The following MCF2L2 variants were observed in gnomAD, a reference collection of about 807,000 sequenced individuals.
MCF2L2 encodes the protein MCF.2 cell line derived transforming sequence-like 2.
In MCF2L2, 102 loss-of-function variants were observed where a neutral mutation model predicts 150.2. The ratio of observed to expected loss-of-function variants is 0.68; its 90% confidence interval spans 0.58 to 0.80. The LOEUF is 0.80. MCF2L2 is among the 30% of genes least tolerant of loss of function. The pLI is 0.00. For missense variants in MCF2L2, 1,256 were observed against 1,372.8 expected (o/e 0.91, Z 1.34); for synonymous variants, 465 against 491.3 (o/e 0.95, Z 0.71).
Position 183,283,656 on chromosome 3 carries a change from G to A in MCF2L2, c.1776+5464C>T, listed in dbSNP as rs6794001. ...CCTGCCTCAGCCTCCTGAGTAGCTG[G>A]GATTACAGGTGCCCGCCACCATGCC... On this transcript the variant is annotated intron_variant, in intron 14 of 29. Transcript: ENST00000328913. The surrounding 1 kb of genome is among the most constrained non-coding windows in gnomAD (Gnocchi z 4.2). 0.18 allele frequency among the ~76,000 whole-genome samples: 26,848 copies of A among 151,830 alleles called. 2,770 individuals are homozygous for A. Among genetic ancestry groups the A allele is most frequent in the East Asian group, 0.46 (2,356 of 5,142 alleles).
chr3:183,290,115 G>T (rs1728038757), intron 13 of MCF2L2, among the ~76,000 whole-genome samples: 1 of 152,148 alleles, frequency 6.6e-6, no homozygotes, highest in Admixed American at 6.5e-5. Context: ...TAACGCTGAA[G>T]CACAATCACT....
At chr3:183,215,147 A>G (rs1004900458) in intron 22 of MCF2L2, among the ~76,000 whole-genome samples, 20 of 152,168 alleles carry the variant, frequency 1.3e-4, no homozygotes, top group African/African-American at 4.1e-4. Context: ...CCAAAAAGGA[A>G]AGGAAACACC....
chr3:183,269,331 TA>T (rs150891469), intron 15 of MCF2L2, among the ~76,000 whole-genome samples: 1 of 150,968 alleles, frequency 6.6e-6, no homozygotes, highest in Non-Finnish European at 1.5e-5. Context: ...TGTCCTCCTT[TA>T]AAAAAAATAA....
intron 13 of MCF2L2, among the ~76,000 whole-genome samples, chr3:183,294,850 G>A (rs1264879235): frequency 2.6e-5 from 4 of 151,924 alleles, no homozygotes; most frequent in Non-Finnish European, 5.9e-5. Flanking sequence ...GGATGGTCTC[G>A]ATCTCCTGAC....
chr3:183,269,789 T>C, intron 15 of MCF2L2: 1 of 1,591,320 alleles, frequency 6.3e-7, no homozygotes, highest in Non-Finnish European at 8.5e-7. Context: ...AAAAACAGAC[T>C]TGAGTGGATA....
rs1721416416 is a variant in MCF2L2, at chr3:183,179,099, C to G, written c.*281G>C. ...GAAGCCCACGCAGCAAAGAATTGCC[C>G]GGCTCCGAATATCGAAGTGCGCGGT... On this transcript the variant is annotated 3_prime_UTR_variant, in exon 30 of 30. Transcript: ENST00000328913. This position sits in a 1 kb window ranked among gnomAD's most constrained non-coding sequence, Gnocchi z 4.2. The G allele has an allele frequency of 2.7e-6, 1 of 363,730 alleles. No homozygotes were observed. The highest frequency in any genetic ancestry group is 4.1e-5 in the East Asian group (1 of 24,190). The allele number at this position is 363,730 out of a possible 1,614,324, so 22.5% of individuals were successfully genotyped here.
intron 15 of MCF2L2, among the ~76,000 whole-genome samples, chr3:183,257,944 C>T (rs899806142): frequency 1.8e-4 from 27 of 149,202 alleles, no homozygotes; most frequent in Non-Finnish European, 3.2e-4. Flanking sequence ...ATTCCTTGCT[C>T]CCTCCACTTC....
At chr3:183,374,701 A>G (rs1713094680) in intron 3 of MCF2L2, 1 of 151,986 alleles carries the variant, frequency 6.6e-6, no homozygotes, top group Non-Finnish European at 1.5e-5. Context: ...AGAAAGAAAG[A>G]AAAAATAGAA....
intron 15 of MCF2L2, among the ~76,000 whole-genome samples, chr3:183,256,705 T>C (rs900175675): frequency 2.0e-4 from 30 of 152,214 alleles, no homozygotes; most frequent in African/African-American, 6.0e-4. Context: ...CCTATAACTT[T>C]TTCATAGTGC....
chr3:183,189,181 C>G (rs1334185156), intron 27 of MCF2L2, among the ~76,000 whole-genome samples: 3 of 152,320 alleles, frequency 2.0e-5, no homozygotes, highest in Non-Finnish European at 4.4e-5. Flanking sequence ...CTGCTGGGTT[C>G]AATTCTGCTA....
chr3:183,247,099 G>A (rs985427028), intron 15 of MCF2L2, among the ~76,000 whole-genome samples: 3 of 152,200 alleles, frequency 2.0e-5, no homozygotes, highest in East Asian at 1.9e-4. Context: ...TTCTGTGGAC[G>A]AGAGTAGGTA....
chr3:183,291,489 GT>G (rs1159388877), intron 13 of MCF2L2, among the ~76,000 whole-genome samples: 1 of 152,204 alleles, frequency 6.6e-6, no homozygotes, highest in African/African-American at 2.4e-5. Flanking sequence ...GCACTAAAAA[GT>G]TTTTTCACGT....
chr3:183,194,341 T>C lies in MCF2L2; in HGVS notation c.2918+881A>G, dbSNP rs573200840. 1.1e-3 allele frequency among the ~76,000 whole-genome samples: 160 copies of C among 152,244 alleles called. 2 individuals are homozygous for C. Among genetic ancestry groups the C allele is most frequent in the Middle Eastern group, 6.8e-3 (2 of 294 alleles). ...CAGGAAGAGGAATTATAGACGAAGA[T>C]TGTAAGTCGCAGTAATAGATGAGGC... On this transcript the variant is annotated intron_variant, in intron 26 of 29. Transcript: ENST00000328913.
chr3:183,224,530 C>T, intron 18 of MCF2L2: 1 of 195,548 alleles, frequency 5.1e-6, no homozygotes, highest in Non-Finnish European at 1.1e-5. Context: ...CATCTCCCCA[C>T]AACAGGTCTG....
rs1374023867 is a variant in MCF2L2 at position 183,193,111 on chromosome 3, A to G, written c.2919-15T>C. The G allele has an allele frequency of 1.9e-6, 3 of 1,605,236 alleles. No homozygotes were observed. The highest frequency in any genetic ancestry group is 2.6e-6 in the Non-Finnish European group (3 of 1,171,968). On this transcript the variant is annotated splice_polypyrimidine_tract_variant and intron_variant, in intron 26 of 29. Transcript: ENST00000328913. ...CACTGCCTTTGCTTTAGAGAAATAA[A>G]CATGAATATTGAGTCACTGGAAGGA...
intron 5 of MCF2L2, among the ~76,000 whole-genome samples, chr3:183,328,627 A>T (rs1194433892): frequency 6.6e-6 from 1 of 152,186 alleles, no homozygotes; most frequent in Non-Finnish European, 1.5e-5. Flanking sequence ...TTAGGCAAAG[A>T]GTTCTGTGAT....
At chr3:183,329,745 G>T (rs945916632) in intron 5 of MCF2L2, among the ~76,000 whole-genome samples, 2 of 152,166 alleles carry the variant, frequency 1.3e-5, no homozygotes, top group Non-Finnish European at 2.9e-5. Context: ...TGAGAAAATC[G>T]CCATTAGGCA....
At chr3:183,415,154 A>C (rs193290551) in intron 1 of MCF2L2, among the ~76,000 whole-genome samples, 17 of 149,892 alleles carry the variant, frequency 1.1e-4, no homozygotes, top group African/African-American at 3.9e-4. Context: ...TGACATACTG[A>C]AGTTTCCAAC....
At chr3:183,410,415 C>A (rs1476549412) in intron 1 of MCF2L2, among the ~76,000 whole-genome samples, 1 of 152,188 alleles carries the variant, frequency 6.6e-6, no homozygotes, top group Non-Finnish European at 1.5e-5. Context: ...CATTTGTTAT[C>A]TGGATAAAGC....
Sources: allele counts gnomAD v4.1 joint callset (sites outside exome capture counted in the v4.1 genomes callset), GRCh38; gene constraint gnomAD v4.1.1; non-coding constraint Gnocchi (gnomAD v3.1); transcripts MANE v1.5; gene names NCBI Gene and HGNC (gene_info 2026-07-23, HGNC 2026-07-21).